The following ANKRD36 variants were observed in gnomAD, a reference collection of about 807,000 sequenced individuals.
ANKRD36 encodes the protein ankyrin repeat domain-containing protein 36A.
A neutral mutation model predicts 278.1 loss-of-function variants in ANKRD36; 179 were observed. The observed-to-expected ratio is 0.64, with a 90% CI of 0.57 to 0.73. The LOEUF is 0.73. Among genes scored for constraint, ANKRD36 ranks in the 30% least tolerant of loss-of-function variants. ANKRD36 has a pLI of 0.00. For missense variants in ANKRD36, 1,159 were observed against 1,956.7 expected (o/e 0.59, Z 7.69); for synonymous variants, 320 against 641.1 (o/e 0.50, Z 7.57).
chr2:97,222,433 C>A (rs1400906484), intron 66 of ANKRD36, among the ~76,000 whole-genome samples: 3 of 152,078 alleles, frequency 2.0e-5, no homozygotes, highest in African/African-American at 7.2e-5. Context: ...TACTAATTCA[C>A]AATGCCACCA....
chr2:97,180,007 G>A, intron 24 of ANKRD36, 74 bp downstream of exon 24: 3 of 1,590,304 alleles, frequency 1.9e-6, no homozygotes, highest in African/African-American at 2.7e-5. Flanking sequence ...AAATAAATCA[G>A]TGGGGAGTCC....
chr2:97,183,645 T>C lies in ANKRD36; in HGVS notation c.1930T>C (p.Ser644Pro). 1 of 1,573,532 alleles carries C rather than the reference T, an allele frequency of 6.4e-7. No individual in the cohort carries two copies. Among genetic ancestry groups the C allele is most frequent in the Non-Finnish European group, 8.6e-7 (1 of 1,159,570 alleles). Residue 644 changes from serine (S) to proline (P), a missense_variant, in exon 28 of 76, where the codon TCT (serine) becomes CCT (proline). Coordinates refer to ENST00000420699, the MANE Select transcript of ANKRD36 (RefSeq NM_001354587.1). Reference sequence around the variant, plus strand: ...CACAAGAATAATGGGTGGTGGGAAATCTGGAACAGGTAATTTGGCAATACA... The same window carrying C: ...CACAAGAATAATGGGTGGTGGGAAACCTGGAACAGGTAATTTGGCAATACA... Reference protein sequence around the residue: ...IATRIMGGGKSGTVSSQKQPA... With the variant: ...IATRIMGGGKPGTVSSQKQPA...
chr2:97,224,133 CT>C (rs1251784205), intron 66 of ANKRD36, among the ~76,000 whole-genome samples: 3 of 151,714 alleles, frequency 2.0e-5, no homozygotes, highest in African/African-American at 7.3e-5. Context: ...GCTCAAAGTG[CT>C]GTTCTAAAGG....
chr2:97,216,077 T>C (rs1485739454), intron 62 of ANKRD36, among the ~76,000 whole-genome samples: 1 of 151,838 alleles, frequency 6.6e-6, no homozygotes, highest in Admixed American at 6.6e-5. Context: ...AAAAGAATAT[T>C]AAATTTTGGC....
In ANKRD36 at chr2:97,133,757, A is replaced by G. The variant is rs947210964; in HGVS notation, c.799+6623A>G. 5.3e-5 allele frequency among the ~76,000 whole-genome samples: 8 copies of G among 152,188 alleles called. 1 individual carries two copies. The East Asian group carries it at 5.8e-4, about 11-fold the overall frequency. On this transcript the variant is annotated intron_variant, in intron 6 of 75. Coordinates refer to ENST00000420699, the MANE Select transcript of ANKRD36 (RefSeq NM_001354587.1). ...CAGTGAAAATCTTTTTAAAAAATTA[A>G]TAACTTTATTTTAAGAGCAGTTTTA...
At chr2:97,140,076 A>G (rs1210254803) in intron 6 of ANKRD36, among the ~76,000 whole-genome samples, 2 of 150,454 alleles carry the variant, frequency 1.3e-5, no homozygotes, top group Non-Finnish European at 2.9e-5. Flanking sequence ...AAATAGAATA[A>G]TTTTCATTAC....
At chr2:97,235,474 G>T (rs1319316272) in intron 68 of ANKRD36, among the ~76,000 whole-genome samples, 5 of 142,306 alleles carry the variant, frequency 3.5e-5, no homozygotes, top group Admixed American at 2.2e-4. Context: ...CTTAAGTTGG[G>T]GATTGTCTGA....
At chr2:97,160,543 C>T (rs1366357227) in intron 17 of ANKRD36, among the ~76,000 whole-genome samples, 1 of 152,000 alleles carries the variant, frequency 6.6e-6, no homozygotes, top group Non-Finnish European at 1.5e-5. Flanking sequence ...AGTATTGGGT[C>T]CTGACTGACA....
intron 67 of ANKRD36, among the ~76,000 whole-genome samples, chr2:97,230,360 CTTCCCT>C (rs1203799111): frequency 1.4e-4 from 21 of 152,010 alleles, no homozygotes; most frequent in Non-Finnish European, 2.5e-4. Context: ...TTTCTCTCAA[CTTCCCT>C]TCTCGTTTCA....
intron 6 of ANKRD36, among the ~76,000 whole-genome samples, chr2:97,138,170 T>C (rs186119988): frequency 6.6e-5 from 10 of 152,216 alleles, no homozygotes; most frequent in Admixed American, 6.6e-4. Flanking sequence ...TGTTTGCAGA[T>C]GACATGATTG....
intron 6 of ANKRD36, among the ~76,000 whole-genome samples, chr2:97,129,330 CT>C (rs1391446254): frequency 2.6e-5 from 4 of 151,758 alleles, no homozygotes; most frequent in African/African-American, 4.8e-5. Flanking sequence ...TTGTTTTTTT[CT>C]TGTAAATTTG....
chr2:97,117,048 T>A (rs79968219), intron 1 of ANKRD36, among the ~76,000 whole-genome samples: 2 of 30,302 alleles, frequency 6.6e-5, no homozygotes. Context: ...CTTTTATTCC[T>A]TTTTTTTTTT....
intron 6 of ANKRD36, among the ~76,000 whole-genome samples, chr2:97,137,592 TACAC>T (rs35336868): frequency 0.6 from 90,274 of 150,590 alleles, 30,833 homozygotes; most frequent in Non-Finnish European, 0.78. Flanking sequence ...TATATATATA[TACAC>T]ACACACACAC....
At chr2:97,225,420 A>G (rs1243688397) in intron 67 of ANKRD36, among the ~76,000 whole-genome samples, 1 of 152,078 alleles carries the variant, frequency 6.6e-6, no homozygotes, top group Non-Finnish European at 1.5e-5. Flanking sequence ...ACCTTGCAGA[A>G]TGGCACCTTT....
At chr2:97,126,708 G>T (rs928014653) in intron 5 of ANKRD36, among the ~76,000 whole-genome samples, 2 of 151,854 alleles carry the variant, frequency 1.3e-5, no homozygotes, top group Non-Finnish European at 2.9e-5. Context: ...CCTAGTGAAA[G>T]AAGATAGTAA....
At chr2:97,199,463 C>G (rs1394145510) in intron 44 of ANKRD36, among the ~76,000 whole-genome samples, 2 of 151,896 alleles carry the variant, frequency 1.3e-5, no homozygotes, top group Non-Finnish European at 2.9e-5. Context: ...TAGAGAATAA[C>G]ACGATACTCC....
chr2:97,154,851 T>G lies in ANKRD36; in HGVS notation c.1260+110T>G, dbSNP rs1220301124. The G allele has an allele frequency of 1.9e-5, 18 of 960,190 alleles. 1 individual carries two copies. In the Admixed American group the frequency reaches 5.8e-4, roughly 31 times the overall value. The allele number at this position is 960,190 out of a possible 1,614,324, so 59.5% of individuals were successfully genotyped here. A position where few individuals can be genotyped will look rare whatever the true frequency, so the allele number is the denominator to read the frequency against. On this transcript the variant is annotated intron_variant, in intron 15 of 75. Transcript: ENST00000420699. Reference sequence around the variant, plus strand: ...ATTGTCTACCTATCATTGTTTTATGTTAGTATTAAAACTTTTATTAGAGAT... The same window carrying G: ...ATTGTCTACCTATCATTGTTTTATGGTAGTATTAAAACTTTTATTAGAGAT...
chr2:97,228,485 C>T (rs1312172237), intron 67 of ANKRD36, among the ~76,000 whole-genome samples: 1 of 151,996 alleles, frequency 6.6e-6, no homozygotes, highest in Non-Finnish European at 1.5e-5. Context: ...TGGTGATATC[C>T]CCTTTATCAT....
At chr2:97,197,790 TAC>T (rs1646531086) in intron 42 of ANKRD36, among the ~76,000 whole-genome samples, 1 of 151,886 alleles carries the variant, frequency 6.6e-6, no homozygotes, top group South Asian at 2.1e-4. Context: ...GAGGCTAAGA[TAC>T]TATCCTTTGG....
Sources: allele counts gnomAD v4.1 joint callset (sites outside exome capture counted in the v4.1 genomes callset), GRCh38; gene constraint gnomAD v4.1.1; transcripts MANE v1.5; gene names NCBI Gene and HGNC (gene_info 2026-07-23, HGNC 2026-07-21).